The following FOXP2 variants were observed in gnomAD, a reference collection of about 807,000 sequenced individuals.
FOXP2 encodes the protein forkhead box protein P2.
In FOXP2, 12 loss-of-function variants were observed where a neutral mutation model predicts 115.8. The observed-to-expected ratio is 0.10, with a 90% confidence interval of 0.07 to 0.17. The LOEUF (loss-of-function observed/expected upper bound fraction) is 0.17, where lower values mean the gene tolerates loss of function less well. Ranked by LOEUF, FOXP2 falls within the 10% of genes least tolerant of loss-of-function variation. FOXP2 has a pLI of 1.00. For synonymous variants in FOXP2, 328 were observed against 297.7 expected (o/e 1.10, Z -1.05); for missense variants, 629 against 843.5 (o/e 0.75, Z 3.15).
intron 6 of FOXP2, among the ~76,000 whole-genome samples, chr7:114,636,752 G>A (rs1805243464): frequency 6.6e-6 from 1 of 151,652 alleles, no homozygotes; most frequent in Admixed American, 6.6e-5. Flanking sequence ...GTTGAAACTA[G>A]CGTAGACATT....
intron 1 of FOXP2, among the ~76,000 whole-genome samples, chr7:114,418,831 G>C (rs570724826): frequency 6.6e-6 from 1 of 151,776 alleles, no homozygotes; most frequent in Non-Finnish European, 1.5e-5. Flanking sequence ...ATAAACCCAG[G>C]TGCCTCCAAT....
At chr7:114,523,775 C>T (rs1337617883) in intron 2 of FOXP2, among the ~76,000 whole-genome samples, 4 of 152,126 alleles carry the variant, frequency 2.6e-5, no homozygotes, top group East Asian at 1.9e-4. Flanking sequence ...ACCTCGTGAG[C>T]GTTCCTTCTC....
chr7:114,495,771 T>C (rs534986034), intron 2 of FOXP2, among the ~76,000 whole-genome samples: 1 of 152,260 alleles, frequency 6.6e-6, no homozygotes, highest in Non-Finnish European at 1.5e-5. Context: ...CCTCCCACAG[T>C]GCTGGGATTA....
chr7:114,589,193 G>T (rs943156263), intron 3 of FOXP2, among the ~76,000 whole-genome samples: 1 of 151,616 alleles, frequency 6.6e-6, no homozygotes, highest in Non-Finnish European at 1.5e-5. Flanking sequence ...TTCATCTCTC[G>T]CCACTTGTTA....
chr7:114,630,153 A>G (rs1188282556), intron 5 of FOXP2, 148 bp downstream of exon 5: 1 of 1,384,186 alleles, frequency 7.2e-7, no homozygotes, highest in African/African-American at 1.4e-5. Context: ...AGTAACAGTG[A>G]TAGGCTCTCA....
chr7:114,429,373 T>C (rs920343753), intron 2 of FOXP2, among the ~76,000 whole-genome samples: 2 of 151,444 alleles, frequency 1.3e-5, no homozygotes, highest in African/African-American at 2.4e-5. Context: ...TTATATTTAC[T>C]GAACAATTAG....
intron 16 of FOXP2, among the ~76,000 whole-genome samples, 170 bp from the exon 17 acceptor site, chr7:114,689,611 CT>C (rs1808551193): frequency 6.6e-6 from 1 of 152,166 alleles, no homozygotes; most frequent in Admixed American, 6.6e-5. Flanking sequence ...CACAGTTCTA[CT>C]GTAAAGTATC....
At chr7:114,426,050 A>G (rs567809132) in intron 1 of FOXP2, among the ~76,000 whole-genome samples, 5 of 151,830 alleles carry the variant, frequency 3.3e-5, no homozygotes, top group African/African-American at 1.2e-4. Flanking sequence ...ATCATTAAAC[A>G]ACAGCCTTGC....
chr7:114,521,462 G>C (rs1475208506), intron 2 of FOXP2, among the ~76,000 whole-genome samples: 1 of 136,492 alleles, frequency 7.3e-6, no homozygotes, highest in Non-Finnish European at 1.5e-5. Flanking sequence ...GAGCCCAGGA[G>C]TTCTAGGTTA....
At chr7:114,569,912 A>T (rs1329903910) in intron 3 of FOXP2, among the ~76,000 whole-genome samples, 1 of 151,870 alleles carries the variant, frequency 6.6e-6, no homozygotes, top group Non-Finnish European at 1.5e-5. Context: ...CACCCTTAAC[A>T]CATCCCTCCT....
chr7:114,197,716 C>CT (rs1793947914), intron 1 of FOXP2, among the ~76,000 whole-genome samples: 1 of 151,990 alleles, frequency 6.6e-6, no homozygotes, highest in Non-Finnish European at 1.5e-5. Context: ...AATGGTGTAC[C>CT]TTTTAAATAT....
chr7:114,205,487 C>A (rs1584544180), intron 1 of FOXP2, among the ~76,000 whole-genome samples: 1 of 152,118 alleles, frequency 6.6e-6, no homozygotes, highest in Non-Finnish European at 1.5e-5. Flanking sequence ...TTGAAATAGG[C>A]ATATTATTAT....
intron 1 of FOXP2, among the ~76,000 whole-genome samples, chr7:114,238,860 A>G (rs1795078838): frequency 6.6e-6 from 1 of 151,380 alleles, no homozygotes; most frequent in African/African-American, 2.4e-5. Flanking sequence ...AGTGCTATAA[A>G]TGACTGGAAA....
chr7:114,278,517 G>A (rs1344977346), intron 1 of FOXP2, among the ~76,000 whole-genome samples: 1 of 151,994 alleles, frequency 6.6e-6, no homozygotes, highest in Non-Finnish European at 1.5e-5. Context: ...ACCATGCCTG[G>A]CTAATTTTTG....
intron 7 of FOXP2, 115 bp from the exon 8 acceptor site, chr7:114,644,570 G>A (rs1254225100): frequency 5.0e-6 from 4 of 804,160 alleles, no homozygotes; most frequent in Non-Finnish European, 2.1e-6. Flanking sequence ...ACTGCTCTGA[G>A]CTGAATTGAC....
chr7:114,329,621 C>T (rs1184425937), intron 2 of FOXP2, among the ~76,000 whole-genome samples: 2 of 151,184 alleles, frequency 1.3e-5, no homozygotes, highest in Admixed American at 6.6e-5. Flanking sequence ...ATAGTGATAC[C>T]GTGCCATTTT....
At chr7:114,444,676 A>T (rs1206344428) in intron 2 of FOXP2, among the ~76,000 whole-genome samples, 3 of 152,198 alleles carry the variant, frequency 2.0e-5, no homozygotes, top group Non-Finnish European at 4.4e-5. Flanking sequence ...GAGAACAAGG[A>T]CTCAAAAATA....
At chr7:114,483,269 T>G (rs535609809) in intron 2 of FOXP2, among the ~76,000 whole-genome samples, 7 of 151,540 alleles carry the variant, frequency 4.6e-5, no homozygotes, top group Non-Finnish European at 8.9e-5. Context: ...CACCCTTTAT[T>G]TCCTTAGATC....
intron 2 of FOXP2, among the ~76,000 whole-genome samples, chr7:114,495,483 CTTTTTTTTTTTTTT>C (rs35933398): frequency 1.3e-4 from 8 of 61,446 alleles, no homozygotes; most frequent in African/African-American, 2.8e-4. Flanking sequence ...TTCTCTCTCT[CTTTTTTTTTTTTTT>C]TTTTTTTTTT....
Sources: gnomAD v4.1 joint callset for allele counts (sites outside exome capture counted in the v4.1 genomes callset) on GRCh38, gnomAD v4.1.1 for gene constraint, MANE v1.5 for transcripts, NCBI Gene and HGNC (gene_info 2026-07-23, HGNC 2026-07-21) for gene names.